The following FRMPD3 variants were observed in gnomAD, a reference collection of about 807,000 sequenced individuals.
FRMPD3 encodes FERM and PDZ domain-containing protein 3.
FRMPD3 carries 42 observed loss-of-function variants against 97.9 expected under a neutral mutation model. The observed-to-expected ratio is 0.43, with a 90% confidence interval of 0.34 to 0.55. The LOEUF (loss-of-function observed/expected upper bound fraction) is 0.55, where lower values mean the gene tolerates loss of function less well. FRMPD3 is among the 20% of genes least tolerant of loss of function. The probability of loss-of-function intolerance (pLI) is 0.03; values close to 1 mark genes in which losing one functional copy is unlikely to be tolerated. For synonymous variants in FRMPD3, 577 were observed against 581.1 expected, an observed-to-expected ratio of 0.99 and a Z score of 0.10; for missense variants, 1,303 against 1,457.7, an observed-to-expected ratio of 0.89 and a Z score of 1.73.
chrX:107,545,144 C>A (rs1003574161), intron 4 of FRMPD3: 1 of 111,891 alleles, frequency 8.9e-6, no homozygotes, highest in African/African-American at 3.3e-5. Context: ...ATTGGATAAA[C>A]AAAGTGGTGC....
intron 13 of FRMPD3, among the ~76,000 whole-genome samples, chrX:107,578,938 A>C (rs1923254429): frequency 9.0e-6 from 1 of 111,363 alleles, no homozygotes; most frequent in Non-Finnish European, 1.9e-5. Context: ...GGCACAACTG[A>C]GGAGACCTCA....
intron 5 of FRMPD3, among the ~76,000 whole-genome samples, chrX:107,546,927 T>C (rs369589636): frequency 1.2e-3 from 135 of 111,482 alleles, no homozygotes; most frequent in African/African-American, 4.1e-3. Context: ...GACACAGGTG[T>C]CTTCCATCTC....
chrX:107,574,980 C>T (rs1353971022), intron 12 of FRMPD3, among the ~76,000 whole-genome samples: 1 of 112,691 alleles, frequency 8.9e-6, no homozygotes, highest in Non-Finnish European at 1.9e-5. Context: ...TTCAGTCTGA[C>T]TCAAACTTGG....
rs1452748352 is a variant in FRMPD3, at chrX:107,602,731, C to T, written c.4692C>T (p.Asp1564=). Residue 1564 remains aspartate (D), a synonymous_variant, in exon 15 of 15, where the codon GAC becomes GAT. Transcript: ENST00000683843. ...AGGCCTCCCGCACTCAGGAGATTGACCTCCGTGTGTCCACCTTCGAGGGGA... is the reference window on the plus strand; with the variant it reads ...AGGCCTCCCGCACTCAGGAGATTGATCTCCGTGTGTCCACCTTCGAGGGGA... The part of the protein sequence containing the change: ...SPEASRTQEI[D]LRVSTFEGSL... 8.3e-7 allele frequency: 1 copy of T among 1,209,495 alleles called. No homozygotes were observed. The highest frequency in any genetic ancestry group is 1.1e-6 in the Non-Finnish European group (1 of 895,133).
In FRMPD3 at chrX:107,563,823, CCTT is replaced by C. The variant is rs776912476; in HGVS notation, c.1116+626_1116+628del. ...GTCCCCTACCCTAGGTTTCCTGAGTCCTTCTACTTCTCCCCCTGCTTGCTCAGC... is the reference window on the plus strand; with the variant it reads ...GTCCCCTACCCTAGGTTTCCTGAGTCCTACTTCTCCCCCTGCTTGCTCAGC... On this transcript the variant is annotated intron_variant, in intron 11 of 14. Transcript: ENST00000683843. Among the ~76,000 whole-genome samples the C allele has an allele frequency of 7.1e-5, 8 of 112,092 alleles. No individual in the cohort carries two copies. The East Asian group carries it at 2.0e-3, about 28-fold the overall frequency.
chrX:107,564,767 G>T, intron 11 of FRMPD3, 120 bp from the exon 12 acceptor site: 1 of 746,038 alleles, frequency 1.3e-6, no homozygotes, highest in East Asian at 3.2e-5. Context: ...CTGAGCCCCA[G>T]ATATTTTCAG....
At chrX:107,501,571 G>A (rs1921912322) in intron 1 of FRMPD3, among the ~76,000 whole-genome samples, 1 of 95,147 alleles carries the variant, frequency 1.1e-5, no homozygotes, top group South Asian at 5.6e-4. Flanking sequence ...AGGCAGTGGT[G>A]CTCACCCCTG....
intron 1 of FRMPD3, among the ~76,000 whole-genome samples, chrX:107,482,690 T>G (rs1921405933): frequency 8.9e-6 from 1 of 111,906 alleles, no homozygotes; most frequent in South Asian, 3.8e-4. Flanking sequence ...ATAATGTAGC[T>G]TAATTTTCAT....
intron 12 of FRMPD3, among the ~76,000 whole-genome samples, chrX:107,572,737 CA>C (rs930385012): frequency 1.7e-4 from 18 of 103,272 alleles, no homozygotes; most frequent in Non-Finnish European, 3.6e-4. Context: ...GACTCTGTCT[CA>C]AAAAAAAAAT....
intron 1 of FRMPD3, among the ~76,000 whole-genome samples, chrX:107,475,208 C>T (rs944210379): frequency 3.6e-5 from 4 of 111,307 alleles, no homozygotes; most frequent in East Asian, 2.8e-4. Context: ...CTCTCTTGTC[C>T]GGGTGTCAGT....
intron 13 of FRMPD3, among the ~76,000 whole-genome samples, chrX:107,577,481 CAAA>C (rs372014103): frequency 0.24 from 7,985 of 33,046 alleles, 1,319 homozygotes; most frequent in African/African-American, 0.55. Context: ...GAGACTGTCT[CAAA>C]AAAAAAAAAA....
Position 107,545,667 on chromosome X carries a change from A to T in FRMPD3, c.298-70A>T, listed in dbSNP as rs1921552742. ...AGTGTACCTGTACTGGGACATCTTA[A>T]CTCTGACGTGACAAAGGTTAGGCTT... is the stretch of plus-strand genomic sequence containing the variant. On this transcript the variant is annotated intron_variant, in intron 4 of 14. Coordinates refer to ENST00000683843, the MANE Select transcript of FRMPD3 (RefSeq NM_001388459.1). 5.8e-6 allele frequency: 5 copies of T among 864,827 alleles called. No individual in the cohort carries two copies. In the South Asian group the frequency reaches 8.7e-5, roughly 15 times the overall value. 71.3% of individuals were successfully genotyped at this position (864,827 alleles called of 1,213,427 possible). A position where few individuals can be genotyped will look rare whatever the true frequency, so the allele number is the denominator to read the frequency against.
intron 6 of FRMPD3, among the ~76,000 whole-genome samples, chrX:107,550,520 C>T (rs894508555): frequency 2.7e-5 from 3 of 112,447 alleles, no homozygotes; most frequent in African/African-American, 3.2e-5. Context: ...ATAACACCTA[C>T]ACAAGTTTAT....
chrX:107,577,189 A>T (rs796312116), intron 13 of FRMPD3, among the ~76,000 whole-genome samples: 2 of 102,935 alleles, frequency 1.9e-5, no homozygotes, highest in Admixed American at 1.1e-4. Flanking sequence ...AAAAAAAAAA[A>T]ATACAAAAAA....
chrX:107,593,563 A>G (rs186712109), intron 13 of FRMPD3, among the ~76,000 whole-genome samples: 5 of 111,238 alleles, frequency 4.5e-5, no homozygotes, highest in Non-Finnish European at 7.5e-5. Flanking sequence ...TCTTGAGTTA[A>G]TTTTTGTGCA....
rs1429719966 is a variant in FRMPD3, at chrX:107,601,835, G to A, written c.3796G>A (p.Glu1266Lys). The change falls in exon 15 of 15, where the codon GAG (glutamate) becomes AAG (lysine). Residue 1266 changes from glutamate to lysine, a missense_variant. Physicochemically the swap from Glu to Lys is moderately conservative, Grantham distance 56. Coordinates refer to ENST00000683843, the MANE Select transcript of FRMPD3 (RefSeq NM_001388459.1). ...AAGCCAGGGGGAGCTGCCAGGCACC[G>A]AGTACCTGCAACCTCCAGCACCTGG... ...PPSQGELPGT[E>K]YLQPPAPGRC... 14 of 1,208,978 alleles carry A rather than the reference G, an allele frequency of 1.2e-5. No homozygotes were observed. Among genetic ancestry groups the A allele is most frequent in the South Asian group, 3.5e-5 (2 of 56,771 alleles).
At chrX:107,491,808 A>C (rs1197233513) in intron 1 of FRMPD3, among the ~76,000 whole-genome samples, 1 of 112,084 alleles carries the variant, frequency 8.9e-6, no homozygotes, top group East Asian at 2.8e-4. Context: ...CTCCTGGCCA[A>C]ACAATTTGTA....
At position 107,601,128 on chromosome X, in the gene FRMPD3, T is replaced by A. The variant is rs749449081; in HGVS notation, c.3089T>A (p.Val1030Asp). ...TCTCAACATCAGCTGGGTGCAGAGGTCTCTTCCAGCCCCAGAGCACCCACA... is the reference window on the plus strand; with the variant it reads ...TCTCAACATCAGCTGGGTGCAGAGGACTCTTCCAGCCCCAGAGCACCCACA... Reference protein sequence around the residue: ...WNSQHQLGAEVSSSPRAPTGS... With the variant: ...WNSQHQLGAEDSSSPRAPTGS... Residue 1030 changes from valine to aspartate, a missense_variant, in exon 15 of 15, where the codon GTC becomes GAC. Transcript: ENST00000683843. The A allele has an allele frequency of 4.1e-6, 5 of 1,207,974 alleles. No individual in the cohort carries two copies. The African/African-American group carries it at 7.0e-5, about 17-fold the overall frequency.
At chrX:107,527,837 A>AACAC in intron 2 of FRMPD3, among the ~76,000 whole-genome samples, 1 of 111,305 alleles carries the variant, frequency 9.0e-6, no homozygotes, top group East Asian at 2.8e-4. Flanking sequence ...GAGGAAAAAA[A>AACAC]ACACACACAC....
Sources: allele counts gnomAD v4.1 joint callset (sites outside exome capture counted in the v4.1 genomes callset), GRCh38; gene constraint gnomAD v4.1.1; transcripts MANE v1.5; gene names NCBI Gene and HGNC (gene_info 2026-07-23, HGNC 2026-07-21).